Variants in PREX2 observed in about 807,000 individuals in gnomAD.
The protein encoded by PREX2 is phosphatidylinositol 3,4,5-trisphosphate-dependent Rac exchanger 2 protein.
In PREX2, 107 loss-of-function variants were observed where a neutral mutation model predicts 203.2. The observed-to-expected ratio is 0.53, with a 90% CI of 0.45 to 0.62. PREX2 has a LOEUF of 0.62. Among genes scored for constraint, PREX2 ranks in the 20% least tolerant of loss-of-function variants. The pLI, the probability that PREX2 is intolerant of heterozygous loss-of-function variation, is 0.00. For missense variants in PREX2, 1,777 were observed against 1,955.9 expected (o/e 0.91, Z 1.72); for synonymous variants, 672 against 663.6 (o/e 1.01, Z -0.19).
At chr8:68,201,255 G>A (rs1415830867) in intron 37 of PREX2, among the ~76,000 whole-genome samples, 3 of 152,158 alleles carry the variant, frequency 2.0e-5, no homozygotes, top group Admixed American at 2.0e-4. Context: ...TCTCACCGAT[G>A]TAAATGATTC....
rs113015604 is a variant in PREX2, at chr8:68,099,662, G to A, written c.2554-20G>A. The A allele has an allele frequency of 1.4e-4, 229 of 1,609,440 alleles. 1 individual carries two copies. The African/African-American group carries it at 2.2e-3, about 15-fold the overall frequency. ...TGTGTGTTTGTGTGTGTGGGTGTGC[G>A]TGTGTGTTTGTCATTGCAGATTCTT... is the stretch of plus-strand genomic sequence containing the variant. On this transcript the variant is annotated intron_variant, in intron 22 of 39. Coordinates refer to ENST00000288368, the MANE Select transcript of PREX2 (RefSeq NM_024870.4).
intron 18 of PREX2, among the ~76,000 whole-genome samples, chr8:68,083,764 T>G (rs1219194296): frequency 6.6e-6 from 1 of 152,196 alleles, no homozygotes; most frequent in East Asian, 1.9e-4. Flanking sequence ...AGATACCAGA[T>G]ACCATTTATA....
chr8:68,161,732 T>G (rs753825886), intron 35 of PREX2, among the ~76,000 whole-genome samples: 1 of 152,204 alleles, frequency 6.6e-6, no homozygotes, highest in Non-Finnish European at 1.5e-5. Flanking sequence ...TTCAACTTTC[T>G]TTACATCGTA....
intron 1 of PREX2, among the ~76,000 whole-genome samples, chr8:67,969,112 G>A (rs1805854868): frequency 6.6e-6 from 1 of 152,166 alleles, no homozygotes; most frequent in South Asian, 2.1e-4. Flanking sequence ...CTGACCTGGA[G>A]GCCCTGAGTG....
intron 26 of PREX2, among the ~76,000 whole-genome samples, chr8:68,117,563 T>C (rs1296534138): frequency 2.0e-5 from 3 of 152,206 alleles, no homozygotes; most frequent in Admixed American, 6.5e-5. Context: ...GTTCTAGTTA[T>C]CAGATAATTA....
chr8:68,163,380 A>T (rs1254631965), intron 35 of PREX2, among the ~76,000 whole-genome samples: 1 of 152,222 alleles, frequency 6.6e-6, no homozygotes, highest in Non-Finnish European at 1.5e-5. Flanking sequence ...CAAATCAAAG[A>T]TAGAAAATGT....
At chr8:67,954,820 A>G (rs1316238830) in intron 1 of PREX2, among the ~76,000 whole-genome samples, 5 of 152,188 alleles carry the variant, frequency 3.3e-5, no homozygotes, top group African/African-American at 1.2e-4. Flanking sequence ...CTAAGAACAT[A>G]TTTTTACTTA....
chr8:68,166,870 G>C (rs1811771811), intron 35 of PREX2, among the ~76,000 whole-genome samples: 2 of 151,962 alleles, frequency 1.3e-5, no homozygotes, highest in Admixed American at 6.6e-5. Context: ...TGGATGCCTT[G>C]AGCTGTGGAG....
At chr8:68,001,887 A>ACT in intron 1 of PREX2, among the ~76,000 whole-genome samples, 1 of 152,308 alleles carries the variant, frequency 6.6e-6, no homozygotes, top group African/African-American at 2.4e-5. Flanking sequence ...TGGGAGCTAA[A>ACT]TGATGAGAAC....
At chr8:68,212,003 A>G (rs990964359) in intron 37 of PREX2, among the ~76,000 whole-genome samples, 11 of 152,160 alleles carry the variant, frequency 7.2e-5, no homozygotes, top group Non-Finnish European at 1.3e-4. Context: ...TGTAATGTAA[A>G]TATAGAAATT....
intron 19 of PREX2, 34 bp from the exon 20 acceptor site, chr8:68,090,545 T>C (rs1481368797): frequency 1.0e-5 from 16 of 1,573,422 alleles, no homozygotes. Context: ...TTCCTGAAAT[T>C]TGTTTTTGGT....
chr8:68,060,407 G>A (rs894981809), intron 10 of PREX2, among the ~76,000 whole-genome samples: 4 of 152,220 alleles, frequency 2.6e-5, no homozygotes, highest in African/African-American at 7.2e-5. Flanking sequence ...TTTTCACTTT[G>A]TGTTTATTAG....
chr8:68,117,404 A>G (rs1329481037), intron 26 of PREX2, among the ~76,000 whole-genome samples: 8 of 152,350 alleles, frequency 5.3e-5, no homozygotes, highest in East Asian at 1.9e-4. Context: ...GAATTATTCT[A>G]GAGATTTAAT....
chr8:68,220,663 C>T (rs964977167), intron 38 of PREX2, among the ~76,000 whole-genome samples: 1 of 152,112 alleles, frequency 6.6e-6, no homozygotes, highest in Non-Finnish European at 1.5e-5. Flanking sequence ...AGACTCAGAA[C>T]AGGGAGCAAA....
At chr8:68,213,095 T>C (rs1465999414) in intron 37 of PREX2, among the ~76,000 whole-genome samples, 1 of 152,198 alleles carries the variant, frequency 6.6e-6, no homozygotes, top group Non-Finnish European at 1.5e-5. Flanking sequence ...ATGCCATTTC[T>C]ACACAGGATA....
At chr8:68,177,202 A>G (rs534898769) in intron 35 of PREX2, 1 of 152,388 alleles carries the variant, frequency 6.6e-6, no homozygotes, top group East Asian at 1.9e-4. Flanking sequence ...GAATGCTACC[A>G]GATTCTGTAG....
At chr8:68,139,289 G>A (rs1001958775) in intron 33 of PREX2, among the ~76,000 whole-genome samples, 3 of 152,142 alleles carry the variant, frequency 2.0e-5, no homozygotes, top group African/African-American at 2.4e-5. Flanking sequence ...AGGAGAGCAG[G>A]CCCTGAAAAG....
chr8:68,220,663 C>A (rs964977167), intron 38 of PREX2, among the ~76,000 whole-genome samples: 1 of 152,112 alleles, frequency 6.6e-6, no homozygotes, highest in African/African-American at 2.4e-5. Context: ...AGACTCAGAA[C>A]AGGGAGCAAA....
At chr8:68,118,884 T>C (rs758482617) in intron 27 of PREX2, 2 of 639,784 alleles carry the variant, frequency 3.1e-6, no homozygotes, top group South Asian at 2.8e-5. Flanking sequence ...TCTTCAGATA[T>C]GCTCCATTAT....
Sources: gnomAD v4.1 joint callset for allele counts (sites outside exome capture counted in the v4.1 genomes callset) on GRCh38, gnomAD v4.1.1 for gene constraint, MANE v1.5 for transcripts, NCBI Gene and HGNC (gene_info 2026-07-23, HGNC 2026-07-21) for gene names.